VPS8: variants seen among roughly 807,000 people sequenced by gnomAD.
VPS8 encodes the protein vacuolar protein sorting-associated protein 8 homolog.
Under a neutral mutation model 216.4 loss-of-function variants are expected in VPS8, and 129 were observed. The observed-to-expected ratio is 0.60, with a 90% CI of 0.52 to 0.69. The LOEUF (loss-of-function observed/expected upper bound fraction) is 0.69. Among genes scored for constraint, VPS8 ranks in the 30% least tolerant of loss-of-function variants. The probability of loss-of-function intolerance (pLI) is 0.00; values close to 1 mark genes in which losing one functional copy is unlikely to be tolerated. For missense variants in VPS8, 1,531 were observed against 1,683.5 expected, an observed-to-expected ratio of 0.91 and a Z score of 1.59; for synonymous variants, 571 against 565.4, an observed-to-expected ratio of 1.01 and a Z score of -0.14.
chr3:184,933,085 A>G (rs1740973002), intron 34 of VPS8, among the ~76,000 whole-genome samples: 1 of 152,236 alleles, frequency 6.6e-6, no homozygotes, highest in African/African-American at 2.4e-5. Flanking sequence ...GGTGAGGCCC[A>G]GCAATCCCCT....
At chr3:185,007,925 G>C (rs1352482255) in intron 45 of VPS8, among the ~76,000 whole-genome samples, 2 of 151,990 alleles carry the variant, frequency 1.3e-5, no homozygotes, top group Admixed American at 6.6e-5. Flanking sequence ...TGGAGATTCA[G>C]TTTACATGCC....
chr3:185,011,934 G>A (rs1755064346), intron 45 of VPS8, among the ~76,000 whole-genome samples: 1 of 152,168 alleles, frequency 6.6e-6, no homozygotes, highest in Admixed American at 6.5e-5. Context: ...CAGAATGATT[G>A]AACACATGGG....
chr3:184,852,536 A>G lies in VPS8; in HGVS notation c.790A>G (p.Ser264Gly). 1 of 1,613,696 alleles carries G rather than the reference A, an allele frequency of 6.2e-7. No homozygotes were observed. Among genetic ancestry groups the G allele is most frequent in the East Asian group, 2.2e-5 (1 of 44,858 alleles). The change falls in exon 11 of 48, where the codon AGC becomes GGC. Residue 264 changes from serine to glycine, a missense_variant. By Grantham distance (56) the Ser-to-Gly change is moderately conservative (BLOSUM62 0). Around this residue, in one of 3 missense-constraint regions of VPS8, gnomAD observed 1,318 missense variants for 1,468.4 expected, o/e 0.90. Coordinates refer to ENST00000625842, the MANE Select transcript of VPS8 (RefSeq NM_001009921.3). Reference protein sequence around the residue: ...DDPTLAICNDSGGSVFELTFK... With the variant: ...DDPTLAICNDGGGSVFELTFK... ...TCCAACTCTTGCAATTTGCAACGAC[A>G]GCGGAGGCTCTGTTTTTGAATTGAC...
chr3:184,919,732 A>G (rs556697874), intron 28 of VPS8, among the ~76,000 whole-genome samples: 22 of 152,330 alleles, frequency 1.4e-4, no homozygotes, highest in African/African-American at 5.3e-4. Flanking sequence ...AGTTAATAAA[A>G]TGTGTCTTAG....
intron 29 of VPS8, among the ~76,000 whole-genome samples, chr3:184,923,319 T>C (rs1409996756): frequency 6.6e-6 from 1 of 152,140 alleles, no homozygotes; most frequent in Non-Finnish European, 1.5e-5. Context: ...CACCTGCCAA[T>C]CAGGCTCAAA....
At chr3:184,932,284 G>A (rs1011386445) in intron 34 of VPS8, among the ~76,000 whole-genome samples, 5 of 151,972 alleles carry the variant, frequency 3.3e-5, no homozygotes, top group East Asian at 1.9e-4. Context: ...TTGATGCCTC[G>A]TAATATTGCA....
intron 37 of VPS8, among the ~76,000 whole-genome samples, chr3:184,960,976 A>G (rs966862428): frequency 2.2e-4 from 33 of 152,320 alleles, no homozygotes; most frequent in Non-Finnish European, 2.9e-4. Context: ...TTATTTTAGT[A>G]AAGTCAGCTT....
rs146067504 is a variant in VPS8 at position 184,936,321 on chromosome 3, A to C, written c.2974A>C (p.Ile992Leu). 4.7e-3 allele frequency: 7,493 copies of C among 1,610,402 alleles called. 24 individuals are homozygous for C. Among genetic ancestry groups the C allele is most frequent in the Non-Finnish European group, 5.7e-3 (6,675 of 1,178,240 alleles). The change falls in exon 35 of 48, where the codon ATT (isoleucine) becomes CTT (leucine). Residue 992 changes from isoleucine to leucine, a missense_variant. This residue lies in a region of VPS8 where 1,318 missense variants were observed against 1,468.4 expected (regional missense o/e 0.90). Transcript: ENST00000625842. ...THFSGHIETV[I>L]KKLQNQVLLF... ...CTTTTCTGGACATATTGAAACGGTC[A>C]TTAAAAAACTTCAGGTACATATTGC...
At position 184,839,063 on chromosome 3, in the gene VPS8, A is replaced by G. The variant is rs1429762462; in HGVS notation, c.480+317A>G. 6.1e-4 allele frequency: 168 copies of G among 276,114 alleles called. 1 individual carries two copies. Among genetic ancestry groups the G allele is most frequent in the Non-Finnish European group, 1.5e-4 (22 of 148,162 alleles). The allele number at this position is 276,114 out of a possible 1,614,324, so 17.1% of individuals were successfully genotyped here. On this transcript the variant is annotated intron_variant, in intron 6 of 47. Coordinates refer to ENST00000625842, the MANE Select transcript of VPS8 (RefSeq NM_001009921.3). Reference sequence around the variant, plus strand: ...TGATTTGGCTCCCCTTCCACAAGGAATGGAAAGCATCATTTGATAGGATCA... The same window carrying G: ...TGATTTGGCTCCCCTTCCACAAGGAGTGGAAAGCATCATTTGATAGGATCA...
At chr3:184,924,101 A>G (rs1739136905) in intron 29 of VPS8, among the ~76,000 whole-genome samples, 1 of 152,212 alleles carries the variant, frequency 6.6e-6, no homozygotes. Flanking sequence ...CTATGATTTG[A>G]TAACTGTGTG....
Position 184,956,120 on chromosome 3 carries a change from G to A in VPS8, c.3036-1254G>A, listed in dbSNP as rs780382833. ...TGGTATCACAAAGCTCTTAAATTAG[G>A]GAAAATGCCCTGTGTCTAAATACAG... On this transcript the variant is annotated intron_variant, in intron 36 of 47. Coordinates refer to ENST00000625842, the MANE Select transcript of VPS8 (RefSeq NM_001009921.3). Among the ~76,000 whole-genome samples, 70 of 152,128 alleles carry A rather than the reference G, an allele frequency of 4.6e-4. 1 individual carries two copies. The highest frequency in any genetic ancestry group is 9.4e-4 in the Non-Finnish European group (64 of 68,014).
chr3:185,049,417 C>G (rs1251451059), intron 47 of VPS8, among the ~76,000 whole-genome samples: 2 of 152,172 alleles, frequency 1.3e-5, no homozygotes, highest in Admixed American at 1.3e-4. Context: ...TAGGCTCACT[C>G]CTCACCTTCC....
intron 46 of VPS8, among the ~76,000 whole-genome samples, chr3:185,033,537 A>G (rs767940772): frequency 1.3e-5 from 2 of 152,224 alleles, no homozygotes; most frequent in Non-Finnish European, 2.9e-5. Context: ...ACTGCGGGAC[A>G]TCCTAGTTGC....
intron 16 of VPS8, 31 bp from the exon 17 acceptor site, chr3:184,866,845 T>A (rs1180768559): frequency 6.3e-7 from 1 of 1,590,948 alleles, no homozygotes; most frequent in Non-Finnish European, 8.5e-7. Context: ...GGAATTTTTT[T>A]ACCTTTTTTG....
intron 21 of VPS8, chr3:184,882,429 A>G (rs1210707340): frequency 6.6e-6 from 3 of 452,058 alleles, no homozygotes; most frequent in African/African-American, 4.0e-5. Context: ...TCACTTGGTC[A>G]TGAGGTATAA....
chr3:184,850,792 C>A (rs1247368299), intron 10 of VPS8, among the ~76,000 whole-genome samples: 1 of 152,190 alleles, frequency 6.6e-6, no homozygotes, highest in African/African-American at 2.4e-5. Context: ...CGTAAGTATG[C>A]TTTTTAAAGT....
intron 45 of VPS8, among the ~76,000 whole-genome samples, chr3:185,002,375 G>A (rs1318937882): frequency 6.6e-6 from 1 of 152,150 alleles, no homozygotes; most frequent in Non-Finnish European, 1.5e-5. Flanking sequence ...AGTGAAGAAA[G>A]GTAATCTGTT....
At chr3:185,015,337 A>G (rs1381397570) in intron 45 of VPS8, among the ~76,000 whole-genome samples, 3 of 152,242 alleles carry the variant, frequency 2.0e-5, no homozygotes, top group Non-Finnish European at 2.9e-5. Flanking sequence ...GCTGTTTGCA[A>G]TTGGGTAAAT....
In VPS8 at chr3:184,982,650, A is replaced by G. The variant is rs760749666; in HGVS notation, c.3502+3A>G. On this transcript the variant is annotated splice_donor_region_variant and intron_variant, in intron 41 of 47. Transcript: ENST00000625842. ...CATTCCTCATCTACACTCTGAAGGT[A>G]AGTTCTTCAGAATTCAAGTGACTGA... The G allele has an allele frequency of 1.9e-6, 3 of 1,607,122 alleles. No homozygotes were observed. The Admixed American group carries it at 5.1e-5, about 27-fold the overall frequency.
Sources: allele counts gnomAD v4.1 joint callset (sites outside exome capture counted in the v4.1 genomes callset), GRCh38; gene constraint gnomAD v4.1.1; regional missense constraint gnomAD v4.1.1; transcripts MANE v1.5; gene names NCBI Gene and HGNC (gene_info 2026-07-23, HGNC 2026-07-21).